The following TJP1 variants were observed in gnomAD, a reference collection of about 807,000 sequenced individuals.
The protein encoded by TJP1 is tight junction protein 1, also known as tight junction protein ZO-1.
A neutral mutation model predicts 194.2 loss-of-function variants in TJP1; 43 were observed. The ratio of observed to expected loss-of-function variants is 0.22; its 90% CI spans 0.17 to 0.29. TJP1 has a LOEUF of 0.29. TJP1 is among the 10% of genes least tolerant of loss of function. The pLI is 1.00. For missense variants in TJP1, 1,971 were observed against 2,185.7 expected, an observed-to-expected ratio of 0.90 and a Z score of 1.96; for synonymous variants, 801 against 779.0, an observed-to-expected ratio of 1.03 and a Z score of -0.47.
At chr15:29,758,076 C>T (rs2151496864) in intron 8 of TJP1, among the ~76,000 whole-genome samples, 1 of 152,282 alleles carries the variant, frequency 6.6e-6, no homozygotes, top group Non-Finnish European at 1.5e-5. Context: ...TTTTCTTTAG[C>T]TTACTTTAAG....
chr15:29,851,846 C>CT (rs1394801010), intron 2 of TJP1, among the ~76,000 whole-genome samples: 1 of 152,142 alleles, frequency 6.6e-6, no homozygotes, highest in African/African-American at 2.4e-5. Context: ...ATGTCCAACT[C>CT]TTTTTTCATA....
chr15:29,949,238 TCCACCTTCA>T (rs757980921), intron 2 of TJP1, among the ~76,000 whole-genome samples: 3,182 of 39,548 alleles, frequency 0.08, 363 homozygotes, highest in East Asian at 0.29. Flanking sequence ...CACCACTACC[TCCACCTTCA>T]CCACCACCTC....
At chr15:29,812,801 G>C (rs1480612898) in intron 1 of TJP1, among the ~76,000 whole-genome samples, 1 of 152,144 alleles carries the variant, frequency 6.6e-6, no homozygotes, top group East Asian at 1.9e-4. Context: ...ACTTAGCTCA[G>C]TATCTGTCAC....
intron 2 of TJP1, among the ~76,000 whole-genome samples, chr15:29,779,863 T>C (rs575242877): frequency 2.0e-5 from 3 of 152,196 alleles, no homozygotes; most frequent in East Asian, 3.9e-4. Context: ...GTATCCCCCT[T>C]GAAGTGCAAA....
chr15:29,789,090 C>T (rs1490789121), intron 2 of TJP1, among the ~76,000 whole-genome samples: 2 of 152,022 alleles, frequency 1.3e-5, no homozygotes, highest in Admixed American at 1.3e-4. Flanking sequence ...CTAAATAAGA[C>T]CTATTATAAA....
intron 8 of TJP1, among the ~76,000 whole-genome samples, chr15:29,747,155 C>G (rs1186834982): frequency 2.6e-5 from 4 of 152,066 alleles, no homozygotes; most frequent in Non-Finnish European, 5.9e-5. Context: ...TGTGGTGGCA[C>G]GCACCTGTAA....
chr15:29,773,489 T>G lies in TJP1; in HGVS notation c.85-132A>C, dbSNP rs913672067. ...TATCTGTGATCCATAAACACTCACC[T>G]GCATGGTTACCTATTAGAATTATCC... On this transcript the variant is annotated intron_variant, in intron 2 of 27. Coordinates refer to ENST00000614355, the MANE Select transcript of TJP1 (RefSeq NM_001330239.4). 5.7e-5 allele frequency: 45 copies of G among 790,996 alleles called. No homozygotes were observed. In the African/African-American group the frequency reaches 6.8e-4, roughly 12 times the overall value. The allele number at this position is 790,996 out of a possible 1,614,324, so 49.0% of individuals were successfully genotyped here.
intron 1 of TJP1, among the ~76,000 whole-genome samples, chr15:29,813,229 T>C (rs1223728429): frequency 6.6e-6 from 1 of 152,150 alleles, no homozygotes; most frequent in Non-Finnish European, 1.5e-5. Context: ...ATCTTAGTCA[T>C]AAAATATCCT....
chr15:29,752,105 T>C (rs2045325740), intron 8 of TJP1, among the ~76,000 whole-genome samples: 1 of 147,216 alleles, frequency 6.8e-6, no homozygotes, highest in African/African-American at 2.6e-5. Context: ...AATACACTTT[T>C]TTTTTTTTTT....
chr15:29,737,625 A>T (rs1336418649), intron 10 of TJP1, among the ~76,000 whole-genome samples: 1 of 152,224 alleles, frequency 6.6e-6, no homozygotes, highest in Non-Finnish European at 1.5e-5. Context: ...GGAATATTCA[A>T]ATTTAATATG....
upstream of TJP1, among the ~76,000 whole-genome samples, chr15:29,826,228 G>C (rs1567110152): frequency 6.6e-6 from 1 of 151,548 alleles, no homozygotes; most frequent in Non-Finnish European, 1.5e-5. Context: ...TTCCTCGAAA[G>C]AATTCCTCCT....
intron 2 of TJP1, among the ~76,000 whole-genome samples, chr15:29,949,634 A>ACCACCT (rs2055535906): frequency 1.1e-5 from 1 of 92,732 alleles, no homozygotes; most frequent in Admixed American, 1.3e-4. Context: ...CTCCACCTCC[A>ACCACCT]CCACCTCCAC....
At chr15:29,960,205 T>C (rs974039493) in intron 1 of TJP1, among the ~76,000 whole-genome samples, 2 of 152,330 alleles carry the variant, frequency 1.3e-5, no homozygotes, top group Admixed American at 6.5e-5. Flanking sequence ...AATAAAAATT[T>C]ATATCTACCA....
rs113137981 is a variant in TJP1 at position 29,871,376 on chromosome 15, C to T, written c.307-70674G>A. Among the ~76,000 whole-genome samples, 34 of 152,358 alleles carry T rather than the reference C, an allele frequency of 2.2e-4. 1 individual carries two copies. The Middle Eastern group carries it at 0.01, about 46-fold the overall frequency. Reference sequence around the variant, plus strand: ...TGGTAGCTAATCAAAAATGACATCTCCTTCCAGCTCCCCTCACTCCCACCA... The same window carrying T: ...TGGTAGCTAATCAAAAATGACATCTTCTTCCAGCTCCCCTCACTCCCACCA... On this transcript the variant is annotated intron_variant, in intron 2 of 28. Coordinates refer to the TJP1 transcript ENST00000356107.
chr15:29,854,592 C>A (rs375891255), intron 2 of TJP1, among the ~76,000 whole-genome samples: 1 of 152,112 alleles, frequency 6.6e-6, no homozygotes, highest in Non-Finnish European at 1.5e-5. Context: ...TCCCTCAGGG[C>A]GTGTGACCCT....
At chr15:29,762,671 C>T (rs572325057) in intron 5 of TJP1, among the ~76,000 whole-genome samples, 10 of 152,234 alleles carry the variant, frequency 6.6e-5, no homozygotes, top group South Asian at 6.2e-4. Context: ...ACTGATAGAC[C>T]GTGTTCCCAT....
At chr15:29,786,138 G>C (rs942111929) in intron 2 of TJP1, among the ~76,000 whole-genome samples, 3 of 152,192 alleles carry the variant, frequency 2.0e-5, no homozygotes, top group African/African-American at 7.2e-5. Context: ...AATCTTCTAT[G>C]ACTGTCAGAT....
intron 2 of TJP1, among the ~76,000 whole-genome samples, chr15:29,931,309 A>G (rs1719000): frequency 0.03 from 4,602 of 152,246 alleles, 206 homozygotes; most frequent in African/African-American, 0.098. Context: ...GAGGCAGAAG[A>G]AAATCTGCAT....
At chr15:29,771,584 T>C (rs45568840) in intron 4 of TJP1, among the ~76,000 whole-genome samples, 3,538 of 152,078 alleles carry the variant, frequency 0.023, 49 homozygotes, top group South Asian at 0.053. Context: ...GGCAGGCAGA[T>C]CACGAGGTCA....
Sources: allele counts gnomAD v4.1 joint callset (sites outside exome capture counted in the v4.1 genomes callset), GRCh38; gene constraint gnomAD v4.1.1; transcripts MANE v1.5; gene names NCBI Gene and HGNC (gene_info 2026-07-23, HGNC 2026-07-21).